The following GPM6B variants were observed in gnomAD, a reference collection of about 807,000 sequenced individuals.
The protein encoded by GPM6B is glycoprotein M6B, also known as neuronal membrane glycoprotein M6-b.
A neutral mutation model predicts 27.2 loss-of-function variants in GPM6B; 4 were observed. The observed-to-expected ratio is 0.15, with a 90% confidence interval of 0.07 to 0.34. The LOEUF (loss-of-function observed/expected upper bound fraction) is 0.34. GPM6B is among the 10% of genes least tolerant of loss of function. GPM6B has a pLI of 1.00. For missense variants in GPM6B, 183 were observed against 261.9 expected (o/e 0.70, Z 2.08); for synonymous variants, 124 against 103.1 (o/e 1.20, Z -1.23).
intron 1 of GPM6B, among the ~76,000 whole-genome samples, chrX:13,880,603 G>A (rs1478692432): frequency 5.1e-5 from 5 of 98,263 alleles, no homozygotes; most frequent in Non-Finnish European, 7.9e-5. Context: ...GTGAACCCGG[G>A]AGGCAGAGCT....
At chrX:13,824,634 G>A (rs1336082054) in intron 1 of GPM6B, among the ~76,000 whole-genome samples, 1 of 111,891 alleles carries the variant, frequency 8.9e-6, no homozygotes, top group Non-Finnish European at 1.9e-5. Flanking sequence ...CTTGATTAGG[G>A]AAGAGGTGGG....
intron 1 of GPM6B, among the ~76,000 whole-genome samples, chrX:13,840,114 C>T (rs187672011): frequency 8.9e-6 from 1 of 112,298 alleles, no homozygotes; most frequent in African/African-American, 3.2e-5. Context: ...CAATGTGGAC[C>T]TTATTAAAAT....
intron 1 of GPM6B, among the ~76,000 whole-genome samples, chrX:13,917,637 A>G (rs1013766912): frequency 8.9e-6 from 1 of 112,574 alleles, no homozygotes; most frequent in Admixed American, 9.4e-5. Context: ...ATGTGAGACT[A>G]GAATATGTCC....
At chrX:13,812,170 C>T (rs1373986432) in intron 1 of GPM6B, among the ~76,000 whole-genome samples, 2 of 107,639 alleles carry the variant, frequency 1.9e-5, no homozygotes, top group African/African-American at 6.8e-5. Context: ...CTGCCTCAGC[C>T]TCCTGAGTAG....
intron 2 of GPM6B, among the ~76,000 whole-genome samples, chrX:13,791,300 C>T (rs769946936): frequency 9.1e-6 from 1 of 110,421 alleles, no homozygotes; most frequent in African/African-American, 3.3e-5. Context: ...GCCTCAACCT[C>T]CTGGGTTCAA....
upstream of GPM6B, chrX:13,817,301 A>ATCTC (rs767608717): frequency 8.7e-5 from 64 of 732,438 alleles, no homozygotes; most frequent in East Asian, 5.4e-3. Flanking sequence ...CTCAATCTCG[A>ATCTC]TCTCTCTCTC....
chrX:13,921,198 GA>G (rs1034686894), intron 1 of GPM6B, among the ~76,000 whole-genome samples: 1 of 112,203 alleles, frequency 8.9e-6, no homozygotes, highest in African/African-American at 3.2e-5. Flanking sequence ...TCTGCATCAG[GA>G]AAAGATTTGT....
intron 1 of GPM6B, among the ~76,000 whole-genome samples, chrX:13,892,247 A>C (rs143302205): frequency 0.018 from 1,985 of 111,938 alleles, 21 homozygotes; most frequent in Non-Finnish European, 0.027. Context: ...GTAAAATGGT[A>C]TCAAGAATCT....
chrX:13,915,165 G>A (rs998196512), intron 1 of GPM6B, among the ~76,000 whole-genome samples: 2 of 109,254 alleles, frequency 1.8e-5, no homozygotes, highest in Non-Finnish European at 3.8e-5. Context: ...CTACTTGGGA[G>A]GCTGAAGTGG....
chrX:13,841,027 T>C (rs1407826832), intron 1 of GPM6B, among the ~76,000 whole-genome samples: 1 of 112,342 alleles, frequency 8.9e-6, no homozygotes, highest in Non-Finnish European at 1.9e-5. Flanking sequence ...CATATATACA[T>C]GCATAAGGCA....
Position 13,799,190 on chromosome X carries a change from ATTTTTTTTTTTTTTTTT to A in GPM6B, c.181+8443_181+8459del, listed in dbSNP as rs763194245. ...CTAGAAACCTCGATTAGCCAACCTA[ATTTTTTTTTTTTTTTTT>A]TTTTTTTTTTTTTTTTTTTTTTTGA... On this transcript the variant is annotated intron_variant, in intron 2 of 7. Transcript: ENST00000316715. 6.4e-4 allele frequency among the ~76,000 whole-genome samples: 23 copies of A among 35,966 alleles called. No homozygotes were observed. In the South Asian group the frequency reaches 0.03, roughly 47 times the overall value. The allele number at this position is 35,966 out of a possible 115,157, so 31.2% of individuals were successfully genotyped here.
At position 13,812,044 on chromosome X, in the gene GPM6B, C is replaced by CTTTTTTTTTT. The variant is rs752162419; in HGVS notation, c.62-4276_62-4275insAAAAAAAAAA. Among the ~76,000 whole-genome samples the CTTTTTTTTTT allele has an allele frequency of 8.5e-4, 70 of 82,634 alleles. 3 individuals carry two copies. Among genetic ancestry groups the CTTTTTTTTTT allele is most frequent in the African/African-American group, 1.7e-3 (35 of 21,150 alleles). 71.8% of individuals were successfully genotyped at this position (82,634 alleles called of 115,157 possible). ...TTTCAAAGGAGAACACTTTTCTTTT[C>CTTTTTTTTTT]TTTCTTTTTTTTTTTTTTTTTTTGA... On this transcript the variant is annotated intron_variant, in intron 1 of 7. Coordinates refer to ENST00000316715, the MANE Select transcript of GPM6B (RefSeq NM_001001995.3).
At chrX:13,802,452 A>G (rs1203436939) in intron 2 of GPM6B, among the ~76,000 whole-genome samples, 3 of 111,644 alleles carry the variant, frequency 2.7e-5, no homozygotes, top group South Asian at 7.4e-4. Flanking sequence ...GGTGCTAATC[A>G]CAGACTAACA....
intron 2 of GPM6B, among the ~76,000 whole-genome samples, chrX:13,805,939 C>T (rs768939753): frequency 1.8e-5 from 2 of 111,054 alleles, no homozygotes; most frequent in African/African-American, 3.3e-5. Flanking sequence ...AAAAATACCC[C>T]TTTCCCCGCT....
At chrX:13,787,824 A>C (rs2048641695) in intron 2 of GPM6B, among the ~76,000 whole-genome samples, 2 of 111,850 alleles carry the variant, frequency 1.8e-5, no homozygotes, top group South Asian at 7.5e-4. Flanking sequence ...TGTATCATCC[A>C]CAACCTCCCC....
chrX:13,788,752 A>G (rs1194352696), intron 2 of GPM6B, among the ~76,000 whole-genome samples: 1 of 109,852 alleles, frequency 9.1e-6, no homozygotes, highest in African/African-American at 3.3e-5. Context: ...CCCAGGCTCA[A>G]AAAGCCAAGT....
chrX:13,850,607 G>A (rs1461772965), intron 1 of GPM6B, among the ~76,000 whole-genome samples: 3 of 112,168 alleles, frequency 2.7e-5, no homozygotes, highest in African/African-American at 9.7e-5. Flanking sequence ...AGGTTCCAGG[G>A]GATGGGAGTC....
chrX:13,895,782 T>C (rs762510353), intron 1 of GPM6B, among the ~76,000 whole-genome samples: 1 of 110,468 alleles, frequency 9.1e-6, no homozygotes, highest in Admixed American at 9.7e-5. Context: ...GGTGTCTGGT[T>C]CTTGGGGCAG....
chrX:13,872,135 G>A (rs1472200832), intron 1 of GPM6B, among the ~76,000 whole-genome samples: 4 of 106,049 alleles, frequency 3.8e-5, no homozygotes, highest in Non-Finnish European at 7.7e-5. Flanking sequence ...TAGGAGTGCT[G>A]GGGAGAAGGC....
Sources: gnomAD v4.1 joint callset for allele counts (sites outside exome capture counted in the v4.1 genomes callset) on GRCh38, gnomAD v4.1.1 for gene constraint, MANE v1.5 for transcripts, NCBI Gene and HGNC (gene_info 2026-07-23, HGNC 2026-07-21) for gene names.